The following ANTXR1 variants were observed in gnomAD, a reference collection of about 807,000 sequenced individuals.
The protein encoded by ANTXR1 is anthrax toxin receptor 1.
ANTXR1 carries 19 observed loss-of-function variants against 78.1 expected under a neutral mutation model. That is an observed-to-expected ratio of 0.24 (90% CI 0.17 to 0.36). ANTXR1 has a LOEUF of 0.36. Among genes scored for constraint, ANTXR1 ranks in the 10% least tolerant of loss-of-function variants. ANTXR1 has a pLI of 1.00. For synonymous variants in ANTXR1, 273 were observed against 260.5 expected (o/e 1.05, Z -0.46); for missense variants, 518 against 718.6 (o/e 0.72, Z 3.19).
chr2:69,138,016 G>A (rs998801401), intron 12 of ANTXR1, among the ~76,000 whole-genome samples: 8 of 151,018 alleles, frequency 5.3e-5, no homozygotes, highest in African/African-American at 9.7e-5. Context: ...CCCGGGAGGC[G>A]GAGATTGCAA....
At chr2:69,122,599 T>TTTA (rs549445506) in intron 10 of ANTXR1, among the ~76,000 whole-genome samples, 1 of 152,186 alleles carries the variant, frequency 6.6e-6, no homozygotes, top group Admixed American at 6.5e-5. Context: ...TTTTTGTTTT[T>TTTA]TTATTATTAT....
chr2:69,154,647 C>T (rs1468495321), intron 13 of ANTXR1, among the ~76,000 whole-genome samples: 1 of 152,198 alleles, frequency 6.6e-6, no homozygotes, highest in Non-Finnish European at 1.5e-5. Context: ...CCTGCATCTA[C>T]CCCAAGGGTG....
At chr2:69,122,895 C>A in intron 10 of ANTXR1, 122 bp from the exon 11 acceptor site, 4 of 1,029,278 alleles carry the variant, frequency 3.9e-6, no homozygotes, top group Non-Finnish European at 6.1e-6. Flanking sequence ...AGTTTTTAAG[C>A]TCAAAAAGAT....
chr2:69,127,912 G>T (rs987283921), intron 12 of ANTXR1, among the ~76,000 whole-genome samples: 1 of 152,114 alleles, frequency 6.6e-6, no homozygotes, highest in Non-Finnish European at 1.5e-5. Context: ...GCTGTGTACT[G>T]GTTATGTGAC....
intron 17 of ANTXR1, among the ~76,000 whole-genome samples, chr2:69,205,227 C>T (rs1183621182): frequency 6.6e-6 from 1 of 152,056 alleles, no homozygotes; most frequent in Non-Finnish European, 1.5e-5. Flanking sequence ...GGCTGAGATC[C>T]GAAGGACAAA....
At chr2:69,037,149 G>T (rs75708932) in intron 1 of ANTXR1, among the ~76,000 whole-genome samples, 357 of 152,330 alleles carry the variant, frequency 2.3e-3, no homozygotes, top group African/African-American at 7.8e-3. Context: ...CACGGGAATT[G>T]GCGAGAGCCA....
chr2:69,070,195 C>T lies in ANTXR1; in HGVS notation c.297-452C>T, dbSNP rs191289528. On this transcript the variant is annotated intron_variant, in intron 3 of 17. Transcript: ENST00000303714. ...TATTTTCCGTTTCCTTTGGCACACC[C>T]GTGCGGTGGCAGTTTGCTGTGGATG... 7.2e-5 allele frequency among the ~76,000 whole-genome samples: 11 copies of T among 152,308 alleles called. No homozygotes were observed. The East Asian group carries it at 1.7e-3, about 24-fold the overall frequency.
chr2:69,237,938 G>A (rs973005335), intron 17 of ANTXR1, among the ~76,000 whole-genome samples: 2 of 152,216 alleles, frequency 1.3e-5, no homozygotes, highest in Non-Finnish European at 2.9e-5. Context: ...CTGAAAGCAG[G>A]AAGACTGGTT....
At chr2:69,235,188 T>C (rs2104525656) in intron 17 of ANTXR1, among the ~76,000 whole-genome samples, 1 of 152,002 alleles carries the variant, frequency 6.6e-6, no homozygotes, top group Non-Finnish European at 1.5e-5. Context: ...CACGCCCAGC[T>C]AATTTTGTAT....
At chr2:69,138,281 T>G (rs1177901314) in intron 12 of ANTXR1, among the ~76,000 whole-genome samples, 2 of 152,222 alleles carry the variant, frequency 1.3e-5, no homozygotes, top group South Asian at 2.1e-4. Flanking sequence ...GTCAACTCTT[T>G]AAATAGTCCA....
intron 8 of ANTXR1, among the ~76,000 whole-genome samples, chr2:69,079,146 G>A (rs1343785993): frequency 1.3e-5 from 2 of 152,152 alleles, no homozygotes; most frequent in African/African-American, 4.8e-5. Context: ...ACCTTAACCA[G>A]AAAGTGGAAA....
chr2:69,075,027 A>G (rs1670686746), intron 6 of ANTXR1, among the ~76,000 whole-genome samples: 2 of 148,532 alleles, frequency 1.3e-5, no homozygotes, highest in Admixed American at 1.4e-4. Context: ...CACAATTTCC[A>G]TACCATTAAA....
intron 12 of ANTXR1, chr2:69,145,802 G>T (rs907655031): frequency 5.3e-5 from 52 of 990,464 alleles, no homozygotes; most frequent in Non-Finnish European, 6.1e-5. Flanking sequence ...TCATCCAGAG[G>T]CCTGGTTCTC....
chr2:69,178,891 T>C (rs1355965471), intron 14 of ANTXR1, among the ~76,000 whole-genome samples: 2 of 152,196 alleles, frequency 1.3e-5, no homozygotes, highest in African/African-American at 4.8e-5. Context: ...AAGAGGCTCA[T>C]GAACCTAGTT....
intron 16 of ANTXR1, among the ~76,000 whole-genome samples, chr2:69,185,970 T>C (rs1438825642): frequency 2.0e-5 from 3 of 152,152 alleles, no homozygotes; most frequent in Non-Finnish European, 4.4e-5. Context: ...AATGCATACA[T>C]AGCCGTTGGT....
At chr2:69,172,922 C>T (rs1472547392) in intron 14 of ANTXR1, among the ~76,000 whole-genome samples, 3 of 152,124 alleles carry the variant, frequency 2.0e-5, no homozygotes, top group African/African-American at 4.8e-5. Context: ...AGTGGGGATC[C>T]CTCCCTAACT....
chr2:69,040,082 A>C lies in ANTXR1; in HGVS notation c.191A>C (p.Tyr64Ser). 1 of 1,613,522 alleles carries C rather than the reference A, an allele frequency of 6.2e-7. No homozygotes were observed. The highest frequency in any genetic ancestry group is 8.5e-7 in the Non-Finnish European group (1 of 1,179,570). The change falls in exon 2 of 18, where the codon TAC becomes TCC. Residue 64 changes from tyrosine to serine, a missense_variant. Tyr to Ser is a moderately radical substitution (Grantham distance 144). This residue lies in a region of ANTXR1 where 264 missense variants were observed against 391.8 expected (regional missense o/e 0.67). Transcript: ENST00000303714. ...CTGCACCACTGGAATGAAATCTATT[A>C]CTTTGTGGAACAGTTGGCTCACAAA... ...SVLHHWNEIY[Y>S]FVEQLAHKFI...
intron 14 of ANTXR1, among the ~76,000 whole-genome samples, chr2:69,175,175 C>T (rs187236180): frequency 1.0e-3 from 153 of 152,312 alleles, no homozygotes; most frequent in Middle Eastern, 3.4e-3. Context: ...TTAAGACTGA[C>T]GTAAAGATGG....
intron 17 of ANTXR1, among the ~76,000 whole-genome samples, chr2:69,222,744 T>C (rs1464858716): frequency 6.6e-6 from 1 of 152,184 alleles, no homozygotes; most frequent in African/African-American, 2.4e-5. Context: ...AGCCCTTGCA[T>C]ATCAAGAAGA....
Sources: allele counts gnomAD v4.1 joint callset (sites outside exome capture counted in the v4.1 genomes callset), GRCh38; gene constraint gnomAD v4.1.1; regional missense constraint gnomAD v4.1.1; transcripts MANE v1.5; gene names NCBI Gene and HGNC (gene_info 2026-07-23, HGNC 2026-07-21).